KCNMB2: variants seen among roughly 807,000 people sequenced by gnomAD.
The protein encoded by KCNMB2 is calcium-activated potassium channel subunit beta-2.
A neutral mutation model predicts 24.5 loss-of-function variants in KCNMB2; 9 were observed. The ratio of observed to expected loss-of-function variants is 0.37; its 90% CI spans 0.22 to 0.64. The LOEUF (loss-of-function observed/expected upper bound fraction) is 0.64, where lower values mean the gene tolerates loss of function less well. Ranked by LOEUF, KCNMB2 falls within the 30% of genes least tolerant of loss-of-function variation. The pLI, the probability that KCNMB2 is intolerant of heterozygous loss-of-function variation, is 0.63. For synonymous variants in KCNMB2, 109 were observed against 104.4 expected (o/e 1.04, Z -0.27); for missense variants, 226 against 284.3 (o/e 0.79, Z 1.47).
chr3:178,709,202 A>C (rs1722374935), intron 1 of KCNMB2, among the ~76,000 whole-genome samples: 1 of 152,172 alleles, frequency 6.6e-6, no homozygotes, highest in South Asian at 2.1e-4. Flanking sequence ...TCATGCCTTT[A>C]AAATTCAAAC....
intron 1 of KCNMB2, among the ~76,000 whole-genome samples, chr3:178,806,250 A>C (rs554160014): frequency 4.0e-4 from 61 of 152,320 alleles, no homozygotes; most frequent in Admixed American, 7.9e-4. Flanking sequence ...AACCTTCTGA[A>C]AGCATCATTT....
At chr3:178,670,907 G>T (rs1720876788) in intron 1 of KCNMB2, among the ~76,000 whole-genome samples, 1 of 152,128 alleles carries the variant, frequency 6.6e-6, no homozygotes, top group African/African-American at 2.4e-5. Context: ...CTGATACCTA[G>T]AGGCCTCTGG....
intron 1 of KCNMB2, among the ~76,000 whole-genome samples, chr3:178,580,941 C>T (rs1173445191): frequency 1.3e-5 from 2 of 152,092 alleles, no homozygotes; most frequent in South Asian, 2.1e-4. Flanking sequence ...GGCCATAATG[C>T]CCAAAATAAT....
chr3:178,655,142 CTATCTCTATT>C (rs1418157857), intron 1 of KCNMB2, among the ~76,000 whole-genome samples: 5 of 118,692 alleles, frequency 4.2e-5, no homozygotes, highest in Non-Finnish European at 5.6e-5. Flanking sequence ...CTCTCTCTCT[CTATCTCTATT>C]TCTCTGGGAC....
chr3:178,833,357 A>C (rs902224479), intron 4 of KCNMB2, among the ~76,000 whole-genome samples: 8 of 152,158 alleles, frequency 5.3e-5, no homozygotes, highest in African/African-American at 1.9e-4. Flanking sequence ...GCTCCCAGGG[A>C]AAAAAGGCAC....
chr3:178,577,993 G>A (rs182577381), intron 1 of KCNMB2, among the ~76,000 whole-genome samples: 1 of 152,216 alleles, frequency 6.6e-6, no homozygotes, highest in African/African-American at 2.4e-5. Context: ...ACCTAGCAAG[G>A]CAGGCCAACA....
intron 1 of KCNMB2, among the ~76,000 whole-genome samples, chr3:178,593,221 T>C (rs1348969615): frequency 6.6e-6 from 1 of 152,070 alleles, no homozygotes; most frequent in Non-Finnish European, 1.5e-5. Flanking sequence ...ACAGAAACTT[T>C]TAAAATATTT....
intron 2 of KCNMB2, chr3:178,820,473 C>G (rs1714581100): frequency 1.3e-5 from 2 of 152,958 alleles, no homozygotes; most frequent in Admixed American, 1.3e-4. Flanking sequence ...GGCCTTTATG[C>G]TGCCTTAACC....
intron 2 of KCNMB2, chr3:178,820,844 A>G (rs1219751406): frequency 6.6e-6 from 1 of 152,244 alleles, no homozygotes; most frequent in Non-Finnish European, 1.5e-5. Context: ...TCTATTCTCC[A>G]AAGGCTTTGA....
chr3:178,796,464 C>G (rs1417195569), intron 1 of KCNMB2, among the ~76,000 whole-genome samples: 1 of 152,008 alleles, frequency 6.6e-6, no homozygotes, highest in Non-Finnish European at 1.5e-5. Context: ...TTCTTCTCCT[C>G]GGCACATGCA....
At chr3:178,601,339 A>G (rs1718077231) in intron 1 of KCNMB2, among the ~76,000 whole-genome samples, 1 of 152,166 alleles carries the variant, frequency 6.6e-6, no homozygotes, top group Admixed American at 6.5e-5. Context: ...GAACTTAAGT[A>G]TAATAAAAAT....
intron 1 of KCNMB2, among the ~76,000 whole-genome samples, chr3:178,617,193 A>G (rs1312755491): frequency 6.6e-6 from 1 of 152,190 alleles, no homozygotes; most frequent in Non-Finnish European, 1.5e-5. Flanking sequence ...GCTTCTAATT[A>G]TGATTGTTAG....
At chr3:178,552,020 G>A (rs1715970086) in intron 1 of KCNMB2, among the ~76,000 whole-genome samples, 1 of 152,216 alleles carries the variant, frequency 6.6e-6, no homozygotes, top group African/African-American at 2.4e-5. Context: ...GCCACACCCA[G>A]AGCTCCGGAA....
intron 2 of KCNMB2, among the ~76,000 whole-genome samples, chr3:178,811,463 A>C (rs1330360296): frequency 6.6e-6 from 1 of 152,196 alleles, no homozygotes; most frequent in Non-Finnish European, 1.5e-5. Flanking sequence ...TGTAAATGGA[A>C]TCATGCCATA....
chr3:178,577,550 G>A (rs986408829), intron 1 of KCNMB2, among the ~76,000 whole-genome samples: 16 of 152,144 alleles, frequency 1.1e-4, no homozygotes, highest in African/African-American at 3.4e-4. Context: ...GGCTTCAGAA[G>A]GTGGGTAATA....
intron 1 of KCNMB2, among the ~76,000 whole-genome samples, chr3:178,779,682 T>C (rs1488751523): frequency 2.0e-5 from 3 of 152,216 alleles, no homozygotes; most frequent in Non-Finnish European, 4.4e-5. Context: ...TTACTTTCTA[T>C]AAATTGTTCA....
At chr3:178,600,165 AC>A in intron 1 of KCNMB2, among the ~76,000 whole-genome samples, 1 of 152,172 alleles carries the variant, frequency 6.6e-6, no homozygotes, top group Non-Finnish European at 1.5e-5. Context: ...GGTATGAGCC[AC>A]TGGGCCCAGT....
intron 1 of KCNMB2, among the ~76,000 whole-genome samples, chr3:178,566,472 T>A (rs1038858975): frequency 3.3e-5 from 5 of 152,068 alleles, no homozygotes; most frequent in Admixed American, 3.3e-4. Flanking sequence ...TTGGCAATGT[T>A]AGCTCAGAGA....
intron 1 of KCNMB2, among the ~76,000 whole-genome samples, chr3:178,670,184 A>G (rs542545757): frequency 1.3e-5 from 2 of 152,258 alleles, no homozygotes; most frequent in Admixed American, 6.5e-5. Flanking sequence ...TATCACCAAA[A>G]GACACTCAAA....
Sources: allele counts gnomAD v4.1 joint callset (sites outside exome capture counted in the v4.1 genomes callset), GRCh38; gene constraint gnomAD v4.1.1; transcripts MANE v1.5; gene names NCBI Gene and HGNC (gene_info 2026-07-23, HGNC 2026-07-21).